Variants in KIT observed in about 807,000 individuals in gnomAD.
KIT encodes mast/stem cell growth factor receptor Kit.
Under a neutral mutation model 105.7 loss-of-function variants are expected in KIT, and 16 were observed. The ratio of observed to expected loss-of-function variants is 0.15; its 90% confidence interval spans 0.10 to 0.23. The LOEUF is 0.23. Ranked by LOEUF, KIT falls within the 10% of genes least tolerant of loss-of-function variation. KIT has a pLI of 1.00. For synonymous variants in KIT, 438 were observed against 441.1 expected (o/e 0.99, Z 0.09); for missense variants, 858 against 1,213.8 (o/e 0.71, Z 4.36).
chr4:54,664,097 G>T (rs938768242), intron 1 of KIT, among the ~76,000 whole-genome samples: 6 of 152,160 alleles, frequency 3.9e-5, no homozygotes, highest in South Asian at 2.1e-4. Context: ...TAGAGATCAG[G>T]AATCAGTAAG....
At chr4:54,725,211 TCTC>T (rs1722141530) in intron 8 of KIT, among the ~76,000 whole-genome samples, 1 of 152,080 alleles carries the variant, frequency 6.6e-6, no homozygotes, top group African/African-American at 2.4e-5. Context: ...TTCAAGTGAT[TCTC>T]CTGCCTCAGC....
chr4:54,726,684 G>A lies in KIT; in HGVS notation c.1541-534G>A, dbSNP rs112804065. 8.6e-3 allele frequency among the ~76,000 whole-genome samples: 1,314 copies of A among 152,092 alleles called. 24 individuals carry two copies. Among genetic ancestry groups the A allele is most frequent in the African/African-American group, 0.03 (1,230 of 41,510 alleles). On this transcript the variant is annotated intron_variant, in intron 9 of 20. Coordinates refer to ENST00000288135, the MANE Select transcript of KIT (RefSeq NM_000222.3). ...TCGTTTTTTGAGTCGGCAAAGACTA[G>A]TGCCAAAAAGTGGCGTGTTTTCTCA...
intron 1 of KIT, among the ~76,000 whole-genome samples, chr4:54,660,345 G>A (rs1717164272): frequency 6.6e-6 from 1 of 152,116 alleles, no homozygotes; most frequent in South Asian, 2.1e-4. Flanking sequence ...TAGGAATAGT[G>A]AATCATACCT....
At chr4:54,661,155 A>G (rs1037695216) in intron 1 of KIT, among the ~76,000 whole-genome samples, 4 of 152,202 alleles carry the variant, frequency 2.6e-5, no homozygotes, top group Admixed American at 2.6e-4. Context: ...CCAAAACATA[A>G]AAATGGTCTT....
intron 3 of KIT, 149 bp from the exon 4 acceptor site, chr4:54,699,481 T>C (rs771120794): frequency 5.7e-4 from 457 of 806,428 alleles, no homozygotes; most frequent in Non-Finnish European, 1.2e-4. Flanking sequence ...CCTTCAGATA[T>C]GCAAGTAGTA....
chr4:54,738,664 C>G lies in KIT; in HGVS notation c.*107C>G. 3.8e-6 allele frequency: 5 copies of G among 1,321,756 alleles called. No individual in the cohort carries two copies. Among genetic ancestry groups the G allele is most frequent in the Non-Finnish European group, 5.4e-6 (5 of 927,432 alleles). The allele number at this position is 1,321,756 out of a possible 1,614,324, so 81.9% of individuals were successfully genotyped here. A position where few individuals can be genotyped will look rare whatever the true frequency, so the allele number is the denominator to read the frequency against. On this transcript the variant is annotated 3_prime_UTR_variant, in exon 21 of 21. Coordinates refer to ENST00000288135, the MANE Select transcript of KIT (RefSeq NM_000222.3). Reference sequence around the variant, plus strand: ...TTGCATCCAACTCCAGGATAGTGGGCACCCCACTGCAATCCTGTCTTTCTG... The same window carrying G: ...TTGCATCCAACTCCAGGATAGTGGGGACCCCACTGCAATCCTGTCTTTCTG...
intron 1 of KIT, 47 bp downstream of exon 1, chr4:54,658,128 G>T: frequency 6.3e-7 from 1 of 1,593,314 alleles, no homozygotes; most frequent in Non-Finnish European, 8.6e-7. Context: ...ACTCGGCGAA[G>T]CCTGTGCCTG....
intron 1 of KIT, among the ~76,000 whole-genome samples, chr4:54,683,721 G>A (rs948988912): frequency 3.9e-5 from 6 of 152,162 alleles, no homozygotes; most frequent in Non-Finnish European, 8.8e-5. Context: ...TTCCTTAGAA[G>A]CACACAGAAC....
chr4:54,723,791 AAAG>A lies in KIT; in HGVS notation c.1346+94_1346+96del. On this transcript the variant is annotated intron_variant, in intron 8 of 20. Coordinates refer to ENST00000288135, the MANE Select transcript of KIT (RefSeq NM_000222.3). ...AATATGTTTTCTGATTTTTTTTAAAAAAGCTTTGTTTTGATTATTGTTTTTTTT... is the reference window on the plus strand; with the variant it reads ...AATATGTTTTCTGATTTTTTTTAAAACTTTGTTTTGATTATTGTTTTTTTT... 3.4e-6 allele frequency: 3 copies of A among 875,516 alleles called. No individual in the cohort carries two copies. The South Asian group carries it at 4.2e-5, about 12-fold the overall frequency. 54.2% of individuals were successfully genotyped at this position (875,516 alleles called of 1,614,324 possible). A position where few individuals can be genotyped will look rare whatever the true frequency, so the allele number is the denominator to read the frequency against.
chr4:54,715,283 G>A (rs1721408009), intron 7 of KIT, among the ~76,000 whole-genome samples: 1 of 150,800 alleles, frequency 6.6e-6, no homozygotes, highest in South Asian at 2.1e-4. Flanking sequence ...AGAAGCTCCT[G>A]CAGATAAAGC....
intron 17 of KIT, among the ~76,000 whole-genome samples, chr4:54,734,395 TA>T (rs760114606): frequency 1.3e-5 from 2 of 152,222 alleles, no homozygotes; most frequent in Non-Finnish European, 2.9e-5. Context: ...AGTTATGAGT[TA>T]ATATATGTAA....
chr4:54,731,790 T>G, intron 15 of KIT, 81 bp from the exon 16 acceptor site: 1 of 1,438,542 alleles, frequency 7.0e-7, no homozygotes, highest in East Asian at 2.3e-5. Flanking sequence ...TTACCAGCCT[T>G]TGGTATGTCA....
intron 3 of KIT, among the ~76,000 whole-genome samples, chr4:54,699,174 A>G (rs1720287749): frequency 6.6e-6 from 1 of 152,230 alleles, no homozygotes; most frequent in Admixed American, 6.5e-5. Flanking sequence ...TTGAAAAAGT[A>G]TACTTATTGA....
chr4:54,680,447 A>G (rs906534264), intron 1 of KIT, among the ~76,000 whole-genome samples: 7 of 144,276 alleles, frequency 4.9e-5, no homozygotes, highest in Non-Finnish European at 1.0e-4. Flanking sequence ...GCTAGAATGC[A>G]GTGGCATGAT....
In KIT at chr4:54,736,730, C is replaced by T; in HGVS notation, c.2606C>T (p.Pro869Leu). ...GCAAACTGTGTCTCAGGAAGCAGCC[C>T]CTATCCTGGAATGCCGGTCGATTCT... ...LWELFSLGSS[P>L]YPGMPVDSKF... The change falls in exon 19 of 21, where the codon CCC (proline) becomes CTC (leucine). Residue 869 changes from proline to leucine, a missense_variant. Physicochemically the swap from Pro to Leu is moderately conservative, Grantham distance 98. Coordinates refer to ENST00000288135, the MANE Select transcript of KIT (RefSeq NM_000222.3). 6.2e-7 allele frequency: 1 copy of T among 1,614,090 alleles called. No homozygotes were observed. The highest frequency in any genetic ancestry group is 8.5e-7 in the Non-Finnish European group (1 of 1,179,952).
intron 7 of KIT, among the ~76,000 whole-genome samples, chr4:54,718,618 A>G (rs1721650869): frequency 6.6e-6 from 1 of 152,172 alleles, no homozygotes; most frequent in Admixed American, 6.5e-5. Flanking sequence ...CAAATCTAAA[A>G]TATTTACCTG....
chr4:54,733,273 T>A (rs2109802716), intron 17 of KIT, 81 bp downstream of exon 17: 1 of 1,463,040 alleles, frequency 6.8e-7, no homozygotes. Flanking sequence ...CCTGTGATTT[T>A]CATAATGTAA....
chr4:54,671,691 G>A (rs1718120642), intron 1 of KIT, among the ~76,000 whole-genome samples: 1 of 152,110 alleles, frequency 6.6e-6, no homozygotes, highest in South Asian at 2.1e-4. Context: ...AGGAGTCTAT[G>A]CCTTCTAGAG....
chr4:54,660,694 A>G (rs1456877142), intron 1 of KIT, among the ~76,000 whole-genome samples: 2 of 152,002 alleles, frequency 1.3e-5, no homozygotes, highest in Non-Finnish European at 2.9e-5. Context: ...TAGTACTATT[A>G]TTACCCCTAA....
Sources: allele counts gnomAD v4.1 joint callset (sites outside exome capture counted in the v4.1 genomes callset), GRCh38; gene constraint gnomAD v4.1.1; transcripts MANE v1.5; gene names NCBI Gene and HGNC (gene_info 2026-07-23, HGNC 2026-07-21).